The following AGBL1 variants were observed in gnomAD, a reference collection of about 807,000 sequenced individuals.
AGBL1 encodes AGBL carboxypeptidase 1.
A neutral mutation model predicts 118.9 loss-of-function variants in AGBL1; 130 were observed. The ratio of observed to expected loss-of-function variants is 1.09; its 90% CI spans 0.95 to 1.26. The LOEUF (loss-of-function observed/expected upper bound fraction) is 1.26. Among genes scored for constraint, AGBL1 ranks in the 50% most tolerant of loss-of-function variants. AGBL1 has a pLI of 0.00. For synonymous variants in AGBL1, 555 were observed against 478.9 expected (o/e 1.16, Z -2.08); for missense variants, 1,584 against 1,298.1 (o/e 1.22, Z -3.38).
chr15:86,273,069 AC>A (rs1481507772), intron 15 of AGBL1, among the ~76,000 whole-genome samples: 1 of 152,384 alleles, frequency 6.6e-6, no homozygotes, highest in East Asian at 1.9e-4. Context: ...AATCTGAAAG[AC>A]CCAGCTTAGA....
At chr15:86,746,866 T>G (rs2077764195) in intron 22 of AGBL1, among the ~76,000 whole-genome samples, 1 of 152,084 alleles carries the variant, frequency 6.6e-6, no homozygotes, top group African/African-American at 2.4e-5. Context: ...CTGATAAATA[T>G]TCTATGTAAA....
intron 22 of AGBL1, among the ~76,000 whole-genome samples, chr15:86,841,303 A>T (rs557998952): frequency 6.6e-6 from 1 of 152,304 alleles, no homozygotes; most frequent in African/African-American, 2.4e-5. Context: ...TTAGCAAAGA[A>T]GAGAGAGGAG....
Position 86,909,208 on chromosome 15 carries a change from T to C in AGBL1, c.*1914T>C, listed in dbSNP as rs1415389774. 1 of 152,284 alleles carries C rather than the reference T, an allele frequency of 6.6e-6. No individual in the cohort carries two copies. Among genetic ancestry groups the C allele is most frequent in the African/African-American group, 2.4e-5 (1 of 41,474 alleles). 9.4% of individuals were successfully genotyped at this position (152,284 alleles called of 1,614,324 possible). The stretch of plus-strand genomic sequence containing the variant: ...AAGAGAGGTTAGAAAACATAGTCTT[T>C]ATTTGAGGTGGGCCCAGCTAAAATT... On this transcript the variant is annotated 3_prime_UTR_variant, in exon 23 of 23. Coordinates refer to ENST00000614907, the MANE Select transcript of AGBL1 (RefSeq NM_001386094.1).
At chr15:86,839,883 C>G (rs1374660017) in intron 22 of AGBL1, among the ~76,000 whole-genome samples, 3 of 152,152 alleles carry the variant, frequency 2.0e-5, no homozygotes, top group African/African-American at 7.2e-5. Context: ...TTCCCCTTAC[C>G]ATAACCACGA....
chr15:86,389,190 C>T (rs74027540), intron 17 of AGBL1, among the ~76,000 whole-genome samples: 15,707 of 152,070 alleles, frequency 0.1, 950 homozygotes, highest in African/African-American at 0.17. Flanking sequence ...GTTCAATAAT[C>T]TGGAAATTTC....
At position 86,088,989 on chromosome 15, in the gene AGBL1, T is replaced by A. The variant is rs966606496; in HGVS notation, c.51+8966T>A. Among the ~76,000 whole-genome samples the A allele has an allele frequency of 2.0e-5, 3 of 152,336 alleles. No homozygotes were observed. In the East Asian group the frequency reaches 5.8e-4, roughly 29 times the overall value. Reference sequence around the variant, plus strand: ...GCACTGTCTGGTACATGGTAGGTGCTCAATAAATGTTTGTTGATTGACTAA... The same window carrying A: ...GCACTGTCTGGTACATGGTAGGTGCACAATAAATGTTTGTTGATTGACTAA... On this transcript the variant is annotated intron_variant, in intron 1 of 22. Coordinates refer to ENST00000614907, the MANE Select transcript of AGBL1 (RefSeq NM_001386094.1).
intron 16 of AGBL1, among the ~76,000 whole-genome samples, chr15:86,287,875 T>G (rs2079479497): frequency 6.6e-6 from 1 of 152,158 alleles, no homozygotes; most frequent in East Asian, 1.9e-4. Flanking sequence ...TCATCTAAAT[T>G]TATGAAGCAC....
intron 21 of AGBL1, among the ~76,000 whole-genome samples, chr15:86,619,997 C>T (rs2084781832): frequency 6.6e-6 from 1 of 152,154 alleles, no homozygotes; most frequent in East Asian, 1.9e-4. Flanking sequence ...GCTTTCCAGA[C>T]TCACTAGTGT....
At chr15:86,486,641 A>T (rs903394153) in intron 18 of AGBL1, among the ~76,000 whole-genome samples, 19 of 152,134 alleles carry the variant, frequency 1.2e-4, no homozygotes, top group African/African-American at 4.3e-4. Context: ...ATTGTGATGA[A>T]ATTACCTTTA....
chr15:86,920,880 G>A (rs2080475829), downstream of AGBL1, among the ~76,000 whole-genome samples: 1 of 152,162 alleles, frequency 6.6e-6, no homozygotes, highest in Non-Finnish European at 1.5e-5. Flanking sequence ...GAGCTGGGAT[G>A]TGAACATGGT....
chr15:86,926,899 G>T (rs2080546802), intron 23 of AGBL1, among the ~76,000 whole-genome samples: 1 of 152,118 alleles, frequency 6.6e-6, no homozygotes, highest in South Asian at 2.1e-4. Flanking sequence ...CCAGCACTTT[G>T]GGAGGCCAAG....
rs199759993 is a variant in AGBL1, at chr15:86,883,117, ATAT to A, written c.3159-23962_3159-23960del. On this transcript the variant is annotated intron_variant, in intron 22 of 22. Coordinates refer to ENST00000614907, the MANE Select transcript of AGBL1 (RefSeq NM_001386094.1). The stretch of plus-strand genomic sequence containing the variant: ...TTATATCCTCATTAATAGATGTCAA[ATAT>A]TATTATTTAAAACATTGCTTCCATT... Among the ~76,000 whole-genome samples, 53 of 152,362 alleles carry A rather than the reference ATAT, an allele frequency of 3.5e-4. 1 individual carries two copies. In the East Asian group the frequency reaches 8.9e-3, roughly 26 times the overall value.
At chr15:86,321,291 T>G (rs1420902930) in intron 17 of AGBL1, among the ~76,000 whole-genome samples, 1 of 152,190 alleles carries the variant, frequency 6.6e-6, no homozygotes, top group Non-Finnish European at 1.5e-5. Flanking sequence ...AATAATATTT[T>G]CTGGTTTTCT....
intron 5 of AGBL1, among the ~76,000 whole-genome samples, chr15:86,185,052 C>G (rs560430054): frequency 2.6e-5 from 4 of 152,064 alleles, no homozygotes; most frequent in African/African-American, 9.6e-5. Context: ...AGAACTCAAA[C>G]AAATTTACAA....
intron 18 of AGBL1, among the ~76,000 whole-genome samples, chr15:86,399,421 A>G (rs1487060181): frequency 6.6e-6 from 1 of 152,110 alleles, no homozygotes; most frequent in Non-Finnish European, 1.5e-5. Context: ...CTTTTCTGAA[A>G]TCTCTCCTTC....
chr15:86,836,707 T>C (rs6496367), intron 22 of AGBL1, among the ~76,000 whole-genome samples: 107,206 of 151,914 alleles, frequency 0.71, 38,409 homozygotes, highest in East Asian at 0.85. Flanking sequence ...CCCCCTCACC[T>C]TCACCACATG....
chr15:86,429,980 A>G (rs186898523), intron 18 of AGBL1, among the ~76,000 whole-genome samples: 1 of 152,370 alleles, frequency 6.6e-6, no homozygotes, highest in East Asian at 1.9e-4. Context: ...ACAATGGAAT[A>G]GAGCCTATTT....
chr15:86,295,133 C>A, intron 16 of AGBL1, 122 bp from the exon 17 acceptor site: 2 of 1,206,002 alleles, frequency 1.7e-6, no homozygotes, highest in East Asian at 2.6e-5. Flanking sequence ...AGGCCCAATA[C>A]ATAAAGGACA....
At chr15:86,171,638 C>CCATAA (rs148670429) in intron 5 of AGBL1, among the ~76,000 whole-genome samples, 2,696 of 152,210 alleles carry the variant, frequency 0.018, 43 homozygotes, top group East Asian at 0.072. Context: ...TTAAACCTAA[C>CCATAA]CATAACTCCT....
Sources: gnomAD v4.1 joint callset for allele counts (sites outside exome capture counted in the v4.1 genomes callset) on GRCh38, gnomAD v4.1.1 for gene constraint, MANE v1.5 for transcripts, NCBI Gene and HGNC (gene_info 2026-07-23, HGNC 2026-07-21) for gene names.